The following STK39 variants were observed in gnomAD, a reference collection of about 807,000 sequenced individuals.
STK39 encodes STE20/SPS1-related proline-alanine-rich protein kinase.
A neutral mutation model predicts 77.8 loss-of-function variants in STK39; 20 were observed. The ratio of observed to expected loss-of-function variants is 0.26; its 90% CI spans 0.18 to 0.37. The LOEUF is 0.37. STK39 is among the 10% of genes least tolerant of loss of function. STK39 has a pLI of 1.00. For synonymous variants in STK39, 246 were observed against 234.1 expected (o/e 1.05, Z -0.47); for missense variants, 479 against 656.5 (o/e 0.73, Z 2.95).
chr2:168,114,854 T>C (rs17178425), intron 10 of STK39, among the ~76,000 whole-genome samples: 48,500 of 151,996 alleles, frequency 0.32, 7,926 homozygotes, highest in Non-Finnish European at 0.33. Context: ...GCAGCTGGTT[T>C]ATCACTTGTT....
At chr2:168,035,561 T>C (rs371219296) in intron 14 of STK39, among the ~76,000 whole-genome samples, 5 of 152,256 alleles carry the variant, frequency 3.3e-5, no homozygotes, top group East Asian at 1.9e-4. Flanking sequence ...GTTACACTGA[T>C]GGGTGAGTTA....
chr2:168,245,427 G>C (rs1690872860), intron 1 of STK39, among the ~76,000 whole-genome samples: 1 of 152,228 alleles, frequency 6.6e-6, no homozygotes, highest in African/African-American at 2.4e-5. Flanking sequence ...CAGGCCTTCA[G>C]ATCTTGTTGC....
At chr2:168,154,077 AG>A (rs1226587306) in intron 5 of STK39, among the ~76,000 whole-genome samples, 1 of 152,246 alleles carries the variant, frequency 6.6e-6, no homozygotes, top group African/African-American at 2.4e-5. Context: ...CCAGGATGAC[AG>A]CAGGGAGCTG....
intron 8 of STK39, among the ~76,000 whole-genome samples, chr2:168,136,538 T>G (rs1687847269): frequency 6.6e-6 from 1 of 152,202 alleles, no homozygotes; most frequent in Non-Finnish European, 1.5e-5. Context: ...AAAACTGGAA[T>G]TGTGTGACAT....
At chr2:168,016,088 C>T (rs952911803) in intron 15 of STK39, among the ~76,000 whole-genome samples, 8 of 151,978 alleles carry the variant, frequency 5.3e-5, no homozygotes, top group Admixed American at 2.0e-4. Flanking sequence ...CCACCACACC[C>T]GGCTAGTTTT....
intron 10 of STK39, among the ~76,000 whole-genome samples, chr2:168,083,073 C>T (rs1010739786): frequency 6.6e-6 from 1 of 152,182 alleles, no homozygotes; most frequent in Non-Finnish European, 1.5e-5. Flanking sequence ...TATTTATAAT[C>T]CAGCCCCAAA....
chr2:168,125,304 A>G (rs1369911239), intron 10 of STK39, among the ~76,000 whole-genome samples: 1 of 152,132 alleles, frequency 6.6e-6, no homozygotes. Context: ...CACCTAATGA[A>G]TTCAGTACAG....
At chr2:168,069,242 A>G (rs980607143) in intron 12 of STK39, among the ~76,000 whole-genome samples, 6 of 152,240 alleles carry the variant, frequency 3.9e-5, no homozygotes, top group Non-Finnish European at 7.3e-5. Flanking sequence ...AAAAGCTAAC[A>G]GCAGTCTTAA....
chr2:168,056,455 C>T (rs1685529321), intron 14 of STK39, among the ~76,000 whole-genome samples: 1 of 152,060 alleles, frequency 6.6e-6, no homozygotes, highest in Admixed American at 6.6e-5. Context: ...AGAGGGCAGC[C>T]ACCCACACAG....
At chr2:167,973,487 C>T (rs1187050226) in intron 16 of STK39, among the ~76,000 whole-genome samples, 1 of 152,154 alleles carries the variant, frequency 6.6e-6, no homozygotes, top group African/African-American at 2.4e-5. Context: ...AGTAAAATAA[C>T]TGGCTGTTTA....
intron 10 of STK39, among the ~76,000 whole-genome samples, chr2:168,103,314 CTTTGT>C (rs1686884873): frequency 6.6e-6 from 1 of 152,160 alleles, no homozygotes. Context: ...CTGTTTGCAT[CTTTGT>C]AAGCCATCTC....
intron 2 of STK39, among the ~76,000 whole-genome samples, chr2:168,168,899 C>T (rs1015529942): frequency 7.2e-5 from 11 of 152,272 alleles, no homozygotes; most frequent in Admixed American, 3.3e-4. Context: ...ACGAGAATCA[C>T]TCAAACCCGG....
At position 167,955,718 on chromosome 2, in the gene STK39, T is replaced by C. The variant is rs1299395479; in HGVS notation, c.1564-148A>G. The C allele has an allele frequency of 8.3e-6, 6 of 719,490 alleles. No individual in the cohort carries two copies. The Admixed American group carries it at 1.6e-4, about 19-fold the overall frequency. The allele number at this position is 719,490 out of a possible 1,614,324, so 44.6% of individuals were successfully genotyped here. On this transcript the variant is annotated intron_variant, in intron 17 of 17. Transcript: ENST00000355999. ...CTTCCAGAAGAGAGACGCCAGCCAC[T>C]CTCTCGAATGACTACTGGAAGCTAA...
chr2:168,247,187 C>T, intron 1 of STK39, 41 bp downstream of exon 1: 1 of 1,157,802 alleles, frequency 8.6e-7, no homozygotes. Context: ...CCGGCCTCGG[C>T]GCCCGGCCTG....
intron 1 of STK39, among the ~76,000 whole-genome samples, chr2:168,234,972 G>GT (rs1167512210): frequency 6.7e-6 from 1 of 148,702 alleles, no homozygotes; most frequent in Non-Finnish European, 1.5e-5. Context: ...GGGCAACATA[G>GT]TAAGATTCCA....
At chr2:168,159,580 CAA>C (rs920185377) in intron 5 of STK39, among the ~76,000 whole-genome samples, 1 of 152,128 alleles carries the variant, frequency 6.6e-6, no homozygotes, top group African/African-American at 2.4e-5. Flanking sequence ...TTTAAAAATT[CAA>C]ACTTTAAATA....
intron 16 of STK39, among the ~76,000 whole-genome samples, chr2:168,000,752 C>G (rs1261859708): frequency 6.6e-6 from 1 of 152,164 alleles, no homozygotes; most frequent in African/African-American, 2.4e-5. Flanking sequence ...GACCCCAGAT[C>G]TATTCAGCCA....
At chr2:168,099,433 A>G (rs529698163) in intron 10 of STK39, among the ~76,000 whole-genome samples, 10 of 152,344 alleles carry the variant, frequency 6.6e-5, no homozygotes, top group Non-Finnish European at 1.0e-4. Context: ...TGGTCCCAAG[A>G]AGAGTCCTAT....
intron 14 of STK39, among the ~76,000 whole-genome samples, chr2:168,057,092 T>A (rs766848013): frequency 3.3e-5 from 5 of 152,236 alleles, no homozygotes; most frequent in African/African-American, 4.8e-5. Context: ...AGAGATCAGC[T>A]TGACAGCAAT....
Sources: gnomAD v4.1 joint callset for allele counts (sites outside exome capture counted in the v4.1 genomes callset) on GRCh38, gnomAD v4.1.1 for gene constraint, MANE v1.5 for transcripts, NCBI Gene and HGNC (gene_info 2026-07-23, HGNC 2026-07-21) for gene names.